Variants in COL28A1 observed in about 807,000 individuals in gnomAD.
COL28A1 encodes the protein collagen alpha-1(XXVIII) chain.
COL28A1 carries 161 observed loss-of-function variants against 150.2 expected under a neutral mutation model. That is an observed-to-expected ratio of 1.07 (90% CI 0.94 to 1.22). The LOEUF (loss-of-function observed/expected upper bound fraction) is 1.22, where lower values mean the gene tolerates loss of function less well. Ranked by LOEUF, COL28A1 falls within the 50% of genes most tolerant of loss-of-function variation. The probability of loss-of-function intolerance (pLI) is 0.00; values close to 1 mark genes in which losing one functional copy is unlikely to be tolerated. For synonymous variants in COL28A1, 552 were observed against 469.7 expected (o/e 1.18, Z -2.26); for missense variants, 1,617 against 1,388.3 (o/e 1.16, Z -2.62).
At chr7:7,381,224 T>C (rs1443989260) in intron 28 of COL28A1, among the ~76,000 whole-genome samples, 1 of 152,162 alleles carries the variant, frequency 6.6e-6, no homozygotes, top group East Asian at 1.9e-4. Context: ...AATCCTTTAT[T>C]AGTTATCTTC....
At position 7,530,121 on chromosome 7, in the gene COL28A1, A is replaced by G. The variant is rs531830486; in HGVS notation, c.681+1227T>C. 4.0e-4 allele frequency among the ~76,000 whole-genome samples: 61 copies of G among 152,338 alleles called. No homozygotes were observed. In the South Asian group the frequency reaches 0.012, roughly 30 times the overall value. On this transcript the variant is annotated intron_variant, in intron 3 of 34. Transcript: ENST00000399429. ...AAAGCAGTTACTATTTCCTCTCTCA[A>G]TATGCCTTTATAGGGTTAAGCATGC...
rs1157149342 is a variant in COL28A1 at position 7,524,213 on chromosome 7, A to AG, written c.702+15dup. On this transcript the variant is annotated intron_variant, in intron 4 of 34. Transcript: ENST00000399429. ...GTTTGGAGTAATTCGTAGTAATCAA[A>AG]GCATGTGGTGCTTACCTTCTTTTCA... The AG allele has an allele frequency of 8.3e-7, 1 of 1,207,484 alleles. No homozygotes were observed. The highest frequency in any genetic ancestry group is 1.7e-5 in the Admixed American group (1 of 59,426). The allele number at this position is 1,207,484 out of a possible 1,614,324, so 74.8% of individuals were successfully genotyped here. A position where few individuals can be genotyped will look rare whatever the true frequency, so the allele number is the denominator to read the frequency against.
chr7:7,389,907 G>C (rs1352584016), intron 27 of COL28A1, among the ~76,000 whole-genome samples: 2 of 152,162 alleles, frequency 1.3e-5, no homozygotes, highest in Non-Finnish European at 2.9e-5. Flanking sequence ...TGAGACAATA[G>C]TGTTTTCTAA....
chr7:7,413,628 C>T (rs989916287), intron 27 of COL28A1, among the ~76,000 whole-genome samples: 3 of 152,144 alleles, frequency 2.0e-5, no homozygotes, highest in African/African-American at 7.2e-5. Context: ...TAAAGAGGCC[C>T]AGCCAACAGA....
At chr7:7,390,432 G>A (rs1233392325) in intron 27 of COL28A1, among the ~76,000 whole-genome samples, 4 of 152,130 alleles carry the variant, frequency 2.6e-5, no homozygotes, top group Non-Finnish European at 5.9e-5. Context: ...ATGTTCATCA[G>A]GAATATTGGC....
At chr7:7,395,150 A>C (rs1457003376) in intron 27 of COL28A1, among the ~76,000 whole-genome samples, 1 of 152,144 alleles carries the variant, frequency 6.6e-6, no homozygotes, top group African/African-American at 2.4e-5. Context: ...AAAATTAGCC[A>C]GGTGTGGTGG....
intron 25 of COL28A1, among the ~76,000 whole-genome samples, chr7:7,424,471 TAC>T (rs1784545306): frequency 6.6e-6 from 1 of 152,174 alleles, no homozygotes; most frequent in South Asian, 2.1e-4. Flanking sequence ...TATTTTCAGA[TAC>T]ACAGTTTATT....
chr7:7,370,779 T>C lies in COL28A1; in HGVS notation c.3012A>G (p.Ser1004=), dbSNP rs748628667. The C allele has an allele frequency of 1.9e-6, 3 of 1,613,842 alleles. No homozygotes were observed. The highest frequency in any genetic ancestry group is 1.1e-5 in the South Asian group (1 of 91,070). Reference sequence around the variant, plus strand: ...GAGTAGATTCACTGAGTTCTTCCCCTGACATCCCAAATCCAGGTTGAGGTG... The same window carrying C: ...GAGTAGATTCACTGAGTTCTTCCCCCGACATCCCAAATCCAGGTTGAGGTG... ...SSSPQPGFGM[S]GEELSESTPE... Residue 1004 remains serine (S), a synonymous_variant, in exon 33 of 35, where the codon TCA becomes TCG. Transcript: ENST00000399429.
intron 15 of COL28A1, among the ~76,000 whole-genome samples, chr7:7,457,981 C>T (rs1787307086): frequency 6.6e-6 from 1 of 152,182 alleles, no homozygotes; most frequent in Non-Finnish European, 1.5e-5. Context: ...ATCAATGCTG[C>T]TTTGGTAGTA....
Position 7,421,407 on chromosome 7 carries a change from T to A in COL28A1, c.1999-1454A>T, listed in dbSNP as rs1784385096. Among the ~76,000 whole-genome samples the A allele has an allele frequency of 2.0e-5, 3 of 152,272 alleles. No individual in the cohort carries two copies. In the South Asian group the frequency reaches 6.2e-4, roughly 32 times the overall value. ...CTGTATAGCTTAGTAGCAAATTTACTTAAAGAACCATTGAATTTTATACTT... is the reference window on the plus strand; with the variant it reads ...CTGTATAGCTTAGTAGCAAATTTACATAAAGAACCATTGAATTTTATACTT... On this transcript the variant is annotated intron_variant, in intron 25 of 34. Coordinates refer to ENST00000399429, the MANE Select transcript of COL28A1 (RefSeq NM_001037763.3).
At chr7:7,532,498 A>G (rs1782424243) in intron 2 of COL28A1, among the ~76,000 whole-genome samples, 1 of 152,122 alleles carries the variant, frequency 6.6e-6, no homozygotes, top group South Asian at 2.1e-4. Context: ...TATGAGTGGC[A>G]ATCTCCGTCC....
At chr7:7,446,458 TCTA>T (rs972667076) in intron 18 of COL28A1, among the ~76,000 whole-genome samples, 2 of 152,194 alleles carry the variant, frequency 1.3e-5, no homozygotes, top group African/African-American at 4.8e-5. Context: ...ATTAAAAGTC[TCTA>T]CTTTCTCTCT....
chr7:7,529,058 T>C (rs955609310), intron 3 of COL28A1, among the ~76,000 whole-genome samples: 3 of 151,954 alleles, frequency 2.0e-5, no homozygotes, highest in African/African-American at 4.8e-5. Context: ...TCCCAACACT[T>C]TGGGAGGCCG....
In COL28A1 at chr7:7,448,473, T is replaced by C. The variant is rs532288419; in HGVS notation, c.1509+3846A>G. Among the ~76,000 whole-genome samples, 229 of 152,056 alleles carry C rather than the reference T, an allele frequency of 1.5e-3. 2 individuals carry two copies. The highest frequency in any genetic ancestry group is 5.1e-3 in the African/African-American group (210 of 41,488). ...CCAGAAAAAATAATAAGCAAAGATT[T>C]TTTTTTTGGAAGTTGATTTGGCAAT... On this transcript the variant is annotated intron_variant, in intron 18 of 34. Coordinates refer to ENST00000399429, the MANE Select transcript of COL28A1 (RefSeq NM_001037763.3).
rs1781191342 is a variant in COL28A1, at chr7:7,370,853, T to C, written c.2938A>G (p.Ile980Val). The change falls in exon 33 of 35, where the codon ATT becomes GTT. Residue 980 changes from isoleucine to valine, a missense_variant. Physicochemically the swap from Ile to Val is conservative, Grantham distance 29. Transcript: ENST00000399429. ...DTLKQKLFQK[I>V]CEDFDSYLVQ... Reference sequence around the variant, plus strand: ...AGATAGGAATCAAAATCCTCACAAATTTTTTGAAACAATTTTTGCTTCAGG... The same window carrying C: ...AGATAGGAATCAAAATCCTCACAAACTTTTTGAAACAATTTTTGCTTCAGG... 1 of 1,612,048 alleles carries C rather than the reference T, an allele frequency of 6.2e-7. No homozygotes were observed. Among genetic ancestry groups the C allele is most frequent in the Admixed American group, 1.7e-5 (1 of 59,760 alleles).
chr7:7,342,474 G>C, the COL28A1 span, among the ~76,000 whole-genome samples: 1 of 151,356 alleles, frequency 6.6e-6, no homozygotes, highest in East Asian at 1.9e-4. Flanking sequence ...TTTTGTGTTG[G>C]GCTTTTTATT....
intron 13 of COL28A1, among the ~76,000 whole-genome samples, chr7:7,487,599 T>G (rs1562808381): frequency 6.6e-6 from 1 of 152,168 alleles, no homozygotes; most frequent in Non-Finnish European, 1.5e-5. Flanking sequence ...TATGACTTAT[T>G]TCTTTGACAT....
downstream of COL28A1, among the ~76,000 whole-genome samples, chr7:7,353,299 G>A (rs1324591632): frequency 7.2e-5 from 11 of 152,138 alleles, no homozygotes; most frequent in Non-Finnish European, 1.5e-5. Flanking sequence ...CACCTACCCA[G>A]AGACATCTAC....
chr7:7,528,999 CTCATCAAGAGTCAA>C (rs1340896646), intron 3 of COL28A1, among the ~76,000 whole-genome samples: 1 of 151,970 alleles, frequency 6.6e-6, no homozygotes, highest in African/African-American at 2.4e-5. Context: ...TTCCAATGGT[CTCATCAAGAGTCAA>C]GTTCTGGGCC....
Sources: allele counts gnomAD v4.1 joint callset (sites outside exome capture counted in the v4.1 genomes callset), GRCh38; gene constraint gnomAD v4.1.1; transcripts MANE v1.5; gene names NCBI Gene and HGNC (gene_info 2026-07-23, HGNC 2026-07-21).